The following CACNA1A variants were observed in gnomAD, a reference collection of about 807,000 sequenced individuals.
CACNA1A encodes calcium voltage-gated channel subunit alpha1 A.
Under a neutral mutation model 262.4 loss-of-function variants are expected in CACNA1A, and 57 were observed. The observed-to-expected ratio is 0.22, with a 90% CI of 0.18 to 0.27. The LOEUF is 0.27. Among genes scored for constraint, CACNA1A ranks in the 10% least tolerant of loss-of-function variants. CACNA1A has a pLI of 1.00. For missense variants in CACNA1A, 2,526 were observed against 3,562.8 expected (o/e 0.71, Z 7.41); for synonymous variants, 1,431 against 1,419.3 (o/e 1.01, Z -0.18).
Position 13,308,404 on chromosome 19 carries a change from C to A in CACNA1A, c.1781+12G>T. The A allele has an allele frequency of 6.3e-7, 1 of 1,599,116 alleles. No individual in the cohort carries two copies. Among genetic ancestry groups the A allele is most frequent in the Non-Finnish European group, 8.6e-7 (1 of 1,169,262 alleles). On this transcript the variant is annotated intron_variant, in intron 13 of 46. Coordinates refer to ENST00000360228, the MANE Select transcript of CACNA1A (RefSeq NM_001127222.2). The surrounding 1 kb of genome is among the most constrained non-coding windows in gnomAD (Gnocchi z 4.2). ...CCCCCTGTACAAATGTCCAGGAACC[C>A]CAAAGACTTACTTTGTGACTTTGAA...
At chr19:13,440,891 G>C (rs2060707549) in intron 3 of CACNA1A, among the ~76,000 whole-genome samples, 1 of 152,138 alleles carries the variant, frequency 6.6e-6, no homozygotes, top group South Asian at 2.1e-4. Context: ...CTGCAGACTT[G>C]ACCTCCTGGG....
chr19:13,299,054 T>A lies in CACNA1A; in HGVS notation c.2579A>T (p.Lys860Ile). The A allele has an allele frequency of 6.2e-7, 1 of 1,604,680 alleles. No homozygotes were observed. Among genetic ancestry groups the A allele is most frequent in the Non-Finnish European group, 8.5e-7 (1 of 1,178,648 alleles). The stretch of plus-strand genomic sequence containing the variant: ...GGCCCGATCGTGGTAGCGGGCCTGT[T>A]TCCTGAGGAAGTCCTCGGCGCGCTG... ...GQQRAEDFLR[K>I]QARYHDRARD... The change falls in exon 19 of 47, where the codon AAA (lysine) becomes ATA (isoleucine). Residue 860 changes from lysine (K) to isoleucine (I), a missense_variant. Transcript: ENST00000360228.
chr19:13,350,143 G>A (rs553234776), intron 6 of CACNA1A, among the ~76,000 whole-genome samples: 2 of 152,174 alleles, frequency 1.3e-5, no homozygotes, highest in Non-Finnish European at 2.9e-5. Context: ...AAGCTCTTAG[G>A]GGGTAGGTTC....
intron 19 of CACNA1A, among the ~76,000 whole-genome samples, chr19:13,297,026 T>A (rs1414922910): frequency 6.6e-6 from 1 of 152,090 alleles, no homozygotes; most frequent in East Asian, 1.9e-4. Flanking sequence ...CCCAACAGAG[T>A]GGCTTTTCAA....
chr19:13,495,012 GAGAA>G (rs1008158886), intron 1 of CACNA1A, among the ~76,000 whole-genome samples: 12 of 152,288 alleles, frequency 7.9e-5, no homozygotes, highest in African/African-American at 2.2e-4. Context: ...CTGCTTGGAA[GAGAA>G]AGAGTCTACC....
chr19:13,397,439 A>T (rs1220535502), intron 3 of CACNA1A, among the ~76,000 whole-genome samples: 1 of 152,170 alleles, frequency 6.6e-6, no homozygotes, highest in Non-Finnish European at 1.5e-5. Context: ...GAAGATAGGA[A>T]TGTCCCTTAA....
At chr19:13,449,906 C>T (rs1285474748) in intron 3 of CACNA1A, among the ~76,000 whole-genome samples, 1 of 152,080 alleles carries the variant, frequency 6.6e-6, no homozygotes, top group Admixed American at 6.6e-5. Flanking sequence ...TTTGGGAGGC[C>T]ATGCCAGGTG....
intron 3 of CACNA1A, among the ~76,000 whole-genome samples, chr19:13,432,079 TAG>T (rs2060515752): frequency 1.7e-5 from 2 of 121,002 alleles, no homozygotes; most frequent in African/African-American, 6.7e-5. Context: ...CACTCCAGCC[TAG>T]CAAGAGAGTG....
chr19:13,304,475 A>T (rs2057856402), intron 15 of CACNA1A, among the ~76,000 whole-genome samples: 5 of 151,862 alleles, frequency 3.3e-5, no homozygotes, highest in African/African-American at 7.3e-5. Flanking sequence ...CAAAAAATTT[A>T]AAAAAATTAG....
intron 19 of CACNA1A, among the ~76,000 whole-genome samples, chr19:13,296,497 A>G (rs1199873157): frequency 6.6e-6 from 1 of 152,192 alleles, no homozygotes; most frequent in African/African-American, 2.4e-5. Flanking sequence ...GAAAAAGAGG[A>G]TGCTGGTTCT....
At chr19:13,367,210 G>C (rs2059229766) in intron 4 of CACNA1A, among the ~76,000 whole-genome samples, 1 of 147,658 alleles carries the variant, frequency 6.8e-6, no homozygotes, top group Non-Finnish European at 1.5e-5. Context: ...AAGGAGAATT[G>C]CTTGAACTTG....
At chr19:13,235,377 A>G in intron 32 of CACNA1A, 103 bp from the exon 33 acceptor site, 2 of 1,138,894 alleles carry the variant, frequency 1.8e-6, no homozygotes, top group Non-Finnish European at 2.6e-6. Flanking sequence ...GGGTGGCCAT[A>G]TGCCACGTGC....
chr19:13,386,690 G>C (rs978651979), intron 3 of CACNA1A, among the ~76,000 whole-genome samples: 6 of 152,136 alleles, frequency 3.9e-5, no homozygotes, highest in African/African-American at 1.4e-4. Context: ...CTACTCGGGA[G>C]GCTGAGACAG....
intron 3 of CACNA1A, among the ~76,000 whole-genome samples, chr19:13,447,385 G>A (rs533664384): frequency 1.3e-5 from 2 of 152,278 alleles, no homozygotes; most frequent in Admixed American, 6.5e-5. Context: ...GTTGTAAGCA[G>A]GGAGATACAA....
At chr19:13,413,499 G>A (rs190586401) in intron 3 of CACNA1A, among the ~76,000 whole-genome samples, 109 of 148,820 alleles carry the variant, frequency 7.3e-4, no homozygotes, top group Middle Eastern at 3.5e-3. Flanking sequence ...TTGAGCCCAG[G>A]AGGTCACGGC....
chr19:13,380,749 G>GTTTGTTTGTTTA (rs1335528398), intron 3 of CACNA1A, among the ~76,000 whole-genome samples: 14 of 81,002 alleles, frequency 1.7e-4, no homozygotes, highest in East Asian at 1.2e-3. Context: ...TTGTTTGTTT[G>GTTTGTTTGTTTA]TTTATTTATT....
chr19:13,270,664 TG>T (rs1018173538), intron 24 of CACNA1A, among the ~76,000 whole-genome samples: 6 of 152,208 alleles, frequency 3.9e-5, no homozygotes, highest in Non-Finnish European at 8.8e-5. Flanking sequence ...AGGAATGGCT[TG>T]ATCAAGGCAC....
At chr19:13,351,142 T>C (rs762423434) in intron 6 of CACNA1A, among the ~76,000 whole-genome samples, 4 of 152,272 alleles carry the variant, frequency 2.6e-5, no homozygotes, top group Admixed American at 6.5e-5. Context: ...AAACTTCTAT[T>C]TTCCCCTTTA....
At chr19:13,341,943 T>C (rs1304547018) in intron 6 of CACNA1A, among the ~76,000 whole-genome samples, 1 of 152,074 alleles carries the variant, frequency 6.6e-6, no homozygotes, top group African/African-American at 2.4e-5. Flanking sequence ...GCTCAATAAG[T>C]GGTGTCTGTT....
Sources: gnomAD v4.1 joint callset for allele counts (sites outside exome capture counted in the v4.1 genomes callset) on GRCh38, gnomAD v4.1.1 for gene constraint, Gnocchi (gnomAD v3.1) non-coding constraint, MANE v1.5 for transcripts, NCBI Gene and HGNC (gene_info 2026-07-23, HGNC 2026-07-21) for gene names.